GAS2L3: variants seen among roughly 807,000 people sequenced by gnomAD.
GAS2L3 encodes growth arrest specific 2 like 3, also known as GAS2-like protein 3.
GAS2L3 carries 28 observed loss-of-function variants against 37.0 expected under a neutral mutation model. The observed-to-expected ratio is 0.76, with a 90% CI of 0.56 to 1.04. GAS2L3 has a LOEUF of 1.04. Ranked by LOEUF, GAS2L3 falls within the 50% of genes least tolerant of loss-of-function variation. The pLI is 0.00. For missense variants in GAS2L3, 793 were observed against 817.6 expected, an observed-to-expected ratio of 0.97 and a Z score of 0.37; for synonymous variants, 290 against 296.6, an observed-to-expected ratio of 0.98 and a Z score of 0.23.
rs201119256 is a variant in GAS2L3, at chr12:100,618,500, A to G, written c.561A>G (p.Leu187=). 1.9e-6 allele frequency: 3 copies of G among 1,612,474 alleles called. No individual in the cohort carries two copies. The highest frequency in any genetic ancestry group is 2.2e-5 in the East Asian group (1 of 44,744). ...VLVKLEKEIE[L]EETLLNTSGP... is the part of the protein sequence containing the mutation. ...TAAAACTTGAGAAAGAAATTGAGTTAGAAGAGACTTTGCTTAATACTTCTG... is the reference window on the plus strand; with the variant it reads ...TAAAACTTGAGAAAGAAATTGAGTTGGAAGAGACTTTGCTTAATACTTCTG... Residue 187 remains leucine (L), a synonymous_variant, in exon 8 of 10, where the codon TTA becomes TTG. Transcript: ENST00000547754.
chr12:100,591,270 A>C (rs1039786173), intron 1 of GAS2L3, among the ~76,000 whole-genome samples: 1 of 152,156 alleles, frequency 6.6e-6, no homozygotes, highest in Non-Finnish European at 1.5e-5. Context: ...ATACCACATG[A>C]AAAAAGATCA....
chr12:100,620,548 GAA>G (rs1956240450), intron 8 of GAS2L3, among the ~76,000 whole-genome samples: 1 of 151,874 alleles, frequency 6.6e-6, no homozygotes, highest in South Asian at 2.1e-4. Flanking sequence ...CTTAAATAAG[GAA>G]AAGATACGAC....
At chr12:100,608,552 C>T (rs1430256765) in intron 5 of GAS2L3, among the ~76,000 whole-genome samples, 1 of 152,016 alleles carries the variant, frequency 6.6e-6, no homozygotes, top group Non-Finnish European at 1.5e-5. Flanking sequence ...GACGGAGTCT[C>T]GCTCTGTCGC....
rs184294194 is a variant in GAS2L3 at position 100,577,587 on chromosome 12, G to A, written c.-152+3802G>A. The stretch of plus-strand genomic sequence containing the variant: ...ATTTTTCTCTTAAAAATCTTTATCT[G>A]TAATAGAAGCATCTGTTGCATTTAG... On this transcript the variant is annotated intron_variant, in intron 1 of 9. Transcript: ENST00000547754. Among the ~76,000 whole-genome samples, 159 of 152,186 alleles carry A rather than the reference G, an allele frequency of 1.0e-3. 2 individuals carry two copies. The highest frequency in any genetic ancestry group is 3.5e-3 in the African/African-American group (147 of 41,516).
intron 5 of GAS2L3, among the ~76,000 whole-genome samples, chr12:100,607,936 G>A (rs934460356): frequency 6.6e-6 from 1 of 152,072 alleles, no homozygotes; most frequent in African/African-American, 2.4e-5. Flanking sequence ...TATTGGTGAG[G>A]TCGTGTTTTC....
chr12:100,591,908 A>G (rs1365706507), intron 2 of GAS2L3, 52 bp downstream of exon 2: 2 of 152,108 alleles, frequency 1.3e-5, no homozygotes, highest in Non-Finnish European at 2.9e-5. Context: ...ATTGGTATAG[A>G]TATATTATTT....
At chr12:100,586,249 T>A (rs1955779867) in intron 1 of GAS2L3, among the ~76,000 whole-genome samples, 1 of 152,130 alleles carries the variant, frequency 6.6e-6, no homozygotes, top group Admixed American at 6.5e-5. Flanking sequence ...TACAGAACAT[T>A]TCATCCAACA....
At chr12:100,578,730 T>A (rs1046811977) in intron 1 of GAS2L3, 1 of 497,322 alleles carries the variant, frequency 2.0e-6, no homozygotes, top group Non-Finnish European at 3.7e-6. Context: ...AACTGATGCC[T>A]AAACCATCTC....
At chr12:100,580,300 A>G (rs955840227) in intron 1 of GAS2L3, 5 of 388,106 alleles carry the variant, frequency 1.3e-5, no homozygotes, top group East Asian at 8.1e-5. Context: ...TTAGTTTTTT[A>G]TAAGTTAATT....
At chr12:100,587,421 G>A (rs565149213) in intron 1 of GAS2L3, among the ~76,000 whole-genome samples, 46 of 152,276 alleles carry the variant, frequency 3.0e-4, no homozygotes, top group African/African-American at 1.1e-3. Context: ...ATGCAAGGAT[G>A]GTTTAACATA....
chr12:100,606,430 C>T (rs958553187), intron 5 of GAS2L3, among the ~76,000 whole-genome samples: 6 of 151,908 alleles, frequency 3.9e-5, no homozygotes, highest in African/African-American at 1.4e-4. Context: ...TTGGGTCTTG[C>T]TTTTTCATCC....
rs1956318640 is a variant in GAS2L3 at position 100,625,054 on chromosome 12, A to T, written c.*164A>T. ...GGTTCATCAGAATTCACATATCTGA[A>T]TTCACTGGAAAGAGCCCTTCTGAAG... On this transcript the variant is annotated 3_prime_UTR_variant, in exon 10 of 10. Coordinates refer to ENST00000547754, the MANE Select transcript of GAS2L3 (RefSeq NM_174942.3). 1 of 566,592 alleles carries T rather than the reference A, an allele frequency of 1.8e-6. No homozygotes were observed. Among genetic ancestry groups the T allele is most frequent in the African/African-American group, 1.9e-5 (1 of 53,664 alleles). 35.1% of individuals were successfully genotyped at this position (566,592 alleles called of 1,614,324 possible). A position where few individuals can be genotyped will look rare whatever the true frequency, so the allele number is the denominator to read the frequency against.
At chr12:100,612,910 GT>G (rs1477677821) in intron 6 of GAS2L3, among the ~76,000 whole-genome samples, 1 of 152,162 alleles carries the variant, frequency 6.6e-6, no homozygotes, top group African/African-American at 2.4e-5. Context: ...CTGACTTTTT[GT>G]TGGTTGTATT....
rs1406450782 is a variant in GAS2L3, at chr12:100,627,687, C to T, written c.*2797C>T. Reference sequence around the variant, plus strand: ...TCTATTCATTTTCACAATTTAAAAACAGCTCTTAACATTGCTGAAGTTGGG... The same window carrying T: ...TCTATTCATTTTCACAATTTAAAAATAGCTCTTAACATTGCTGAAGTTGGG... On this transcript the variant is annotated 3_prime_UTR_variant, in exon 10 of 10. Coordinates refer to ENST00000547754, the MANE Select transcript of GAS2L3 (RefSeq NM_174942.3). The T allele has an allele frequency of 1.3e-5, 2 of 152,206 alleles. No homozygotes were observed. The highest frequency in any genetic ancestry group is 2.9e-5 in the Non-Finnish European group (2 of 68,032). 9.4% of individuals were successfully genotyped at this position (152,206 alleles called of 1,614,324 possible). A position where few individuals can be genotyped will look rare whatever the true frequency, so the allele number is the denominator to read the frequency against.
intron 6 of GAS2L3, among the ~76,000 whole-genome samples, chr12:100,615,831 C>G (rs1376541180): frequency 1.3e-5 from 2 of 152,212 alleles, no homozygotes; most frequent in East Asian, 3.9e-4. Context: ...CACTCATTTC[C>G]ATTCCATTGG....
Position 100,624,394 on chromosome 12 carries a change from C to T in GAS2L3, c.1589C>T (p.Ala530Val). ...ACAAAAACCAGTTCCAAAACCATAGCCACGGGTCTAGGAACACAGTCTCAA... is the reference window on the plus strand; with the variant it reads ...ACAAAAACCAGTTCCAAAACCATAGTCACGGGTCTAGGAACACAGTCTCAA... ...KMTKTSSKTI[A>V]TGLGTQSQPS... Residue 530 changes from alanine (A) to valine (V), a missense_variant, in exon 10 of 10, where the codon GCC becomes GTC. Transcript: ENST00000547754. 6.2e-7 allele frequency: 1 copy of T among 1,613,954 alleles called. No homozygotes were observed.
Position 100,603,003 on chromosome 12 carries a change from C to G in GAS2L3, c.303+1250C>G, listed in dbSNP as rs115443335. 3.3e-3 allele frequency among the ~76,000 whole-genome samples: 496 copies of G among 152,214 alleles called. 2 individuals are homozygous for G. Among genetic ancestry groups the G allele is most frequent in the African/African-American group, 0.011 (469 of 41,516 alleles). On this transcript the variant is annotated intron_variant, in intron 5 of 9. Coordinates refer to ENST00000547754, the MANE Select transcript of GAS2L3 (RefSeq NM_174942.3). ...GTCTTTTTAGTAGCTCAGTGGTACT[C>G]CATTGTATATGTGTGTCACATTTTC...
rs753282164 is a variant in GAS2L3 at position 100,624,397 on chromosome 12, C to CG, written c.1595dup (p.Leu533SerfsTer23). 4 of 1,613,994 alleles carry CG rather than the reference C, an allele frequency of 2.5e-6. No homozygotes were observed. In the African/African-American group the frequency reaches 5.3e-5, roughly 22 times the overall value. On this transcript the variant is annotated frameshift_variant, in exon 10 of 10. Transcript: ENST00000547754. LOFTEE classifies it low-confidence loss of function (END_TRUNC). ...AAAACCAGTTCCAAAACCATAGCCA[C>CG]GGGTCTAGGAACACAGTCTCAACCA...
At chr12:100,608,639 A>G (rs1231835824) in intron 5 of GAS2L3, among the ~76,000 whole-genome samples, 1 of 151,920 alleles carries the variant, frequency 6.6e-6, no homozygotes, top group African/African-American at 2.4e-5. Flanking sequence ...CTTCTGCCTC[A>G]GCCTCCCTAG....
Sources: allele counts gnomAD v4.1 joint callset (sites outside exome capture counted in the v4.1 genomes callset), GRCh38; gene constraint gnomAD v4.1.1; transcripts MANE v1.5; gene names NCBI Gene and HGNC (gene_info 2026-07-23, HGNC 2026-07-21).